Variants in RNGTT observed in about 807,000 individuals in gnomAD.
The protein encoded by RNGTT is mRNA-capping enzyme.
RNGTT carries 33 observed loss-of-function variants against 79.3 expected under a neutral mutation model. That is an observed-to-expected ratio of 0.42 (90% CI 0.32 to 0.56). The LOEUF (loss-of-function observed/expected upper bound fraction) is 0.56, where lower values mean the gene tolerates loss of function less well. RNGTT is among the 20% of genes least tolerant of loss of function. RNGTT has a pLI of 0.17. For synonymous variants in RNGTT, 222 were observed against 235.9 expected, an observed-to-expected ratio of 0.94 and a Z score of 0.54; for missense variants, 497 against 739.1, an observed-to-expected ratio of 0.67 and a Z score of 3.80.
At chr6:88,733,113 C>T (rs566389409) in intron 13 of RNGTT, among the ~76,000 whole-genome samples, 4 of 152,142 alleles carry the variant, frequency 2.6e-5, no homozygotes, top group Non-Finnish European at 5.9e-5. Context: ...AATCCCAGCA[C>T]TTTGGAAGGC....
At chr6:88,675,654 GAAC>G (rs1774843165) in intron 14 of RNGTT, among the ~76,000 whole-genome samples, 2 of 146,854 alleles carry the variant, frequency 1.4e-5, no homozygotes, top group African/African-American at 5.4e-5. Flanking sequence ...AAAAGCTACT[GAAC>G]TAATAATCGA....
At chr6:88,730,025 C>G (rs1248601427) in intron 13 of RNGTT, among the ~76,000 whole-genome samples, 1 of 152,112 alleles carries the variant, frequency 6.6e-6, no homozygotes, top group Non-Finnish European at 1.5e-5. Flanking sequence ...TTACTAAAAC[C>G]TTCCTTAACT....
At position 88,853,573 on chromosome 6, in the gene RNGTT, C is replaced by G. The variant is rs1046275667; in HGVS notation, c.1032+56G>C. 18 of 1,130,530 alleles carry G rather than the reference C, an allele frequency of 1.6e-5. No homozygotes were observed. The Admixed American group carries it at 4.0e-4, about 25-fold the overall frequency. The allele number at this position is 1,130,530 out of a possible 1,614,324, so 70.0% of individuals were successfully genotyped here. ...ACCAACAGAAATACACATTTACTTACAAGGAAAAGAAAAATGGCAATGTTT... is the reference window on the plus strand; with the variant it reads ...ACCAACAGAAATACACATTTACTTAGAAGGAAAAGAAAAATGGCAATGTTT... On this transcript the variant is annotated intron_variant, in intron 9 of 15. Coordinates refer to ENST00000369485, the MANE Select transcript of RNGTT (RefSeq NM_003800.5).
intron 13 of RNGTT, among the ~76,000 whole-genome samples, chr6:88,761,018 TACACACACACAC>T (rs59719740): frequency 1.3e-4 from 17 of 131,146 alleles, no homozygotes; most frequent in Non-Finnish European, 2.1e-4. Flanking sequence ...GCAAAAGAAA[TACACACACACAC>T]ACACACACAC....
chr6:88,746,871 G>A (rs943946603), intron 13 of RNGTT, among the ~76,000 whole-genome samples: 2 of 152,096 alleles, frequency 1.3e-5, no homozygotes, highest in African/African-American at 4.8e-5. Context: ...CCAACTCTTG[G>A]GGCACAACAC....
intron 13 of RNGTT, among the ~76,000 whole-genome samples, chr6:88,733,783 CAAG>C (rs1490886472): frequency 6.7e-6 from 1 of 150,064 alleles, no homozygotes; most frequent in African/African-American, 2.5e-5. Flanking sequence ...ATCATGCAAA[CAAG>C]AAGACAGTGT....
intron 8 of RNGTT, among the ~76,000 whole-genome samples, chr6:88,880,448 T>A (rs982804784): frequency 2.0e-5 from 3 of 152,204 alleles, no homozygotes; most frequent in Non-Finnish European, 2.9e-5. Context: ...ACCTTTTATA[T>A]TCAGTTTTTC....
At chr6:88,930,760 A>C (rs886926335) in intron 2 of RNGTT, among the ~76,000 whole-genome samples, 1 of 152,152 alleles carries the variant, frequency 6.6e-6, no homozygotes. Context: ...TGGCAGACCT[A>C]TCTCTCATCT....
chr6:88,806,119 C>T (rs1417941515), intron 11 of RNGTT, among the ~76,000 whole-genome samples: 1 of 151,908 alleles, frequency 6.6e-6, no homozygotes, highest in East Asian at 1.9e-4. Flanking sequence ...GAAAAATCCA[C>T]GAAAGACGTC....
At chr6:88,892,099 T>C (rs982864242) in intron 6 of RNGTT, among the ~76,000 whole-genome samples, 184 bp from the exon 7 acceptor site, 10 of 152,046 alleles carry the variant, frequency 6.6e-5, no homozygotes, top group Non-Finnish European at 1.2e-4. Flanking sequence ...TTTTCCTAAA[T>C]CCAGCACATG....
chr6:88,665,749 C>T (rs1383140835), intron 14 of RNGTT, among the ~76,000 whole-genome samples: 1 of 152,180 alleles, frequency 6.6e-6, no homozygotes, highest in African/African-American at 2.4e-5. Context: ...GGCACTGGCT[C>T]GAGACCTCCA....
chr6:88,653,793 A>G (rs1773880041), intron 14 of RNGTT, among the ~76,000 whole-genome samples: 1 of 152,228 alleles, frequency 6.6e-6, no homozygotes, highest in South Asian at 2.1e-4. Context: ...AGAAATATTT[A>G]TTAGTGCTTT....
intron 13 of RNGTT, among the ~76,000 whole-genome samples, chr6:88,708,423 T>C (rs1776212131): frequency 6.6e-6 from 1 of 152,116 alleles, no homozygotes; most frequent in Non-Finnish European, 1.5e-5. Context: ...CTCTGTTTGC[T>C]GGCTGAAGTC....
chr6:88,901,623 C>CA (rs1004429382), intron 6 of RNGTT, among the ~76,000 whole-genome samples: 4 of 150,680 alleles, frequency 2.7e-5, no homozygotes, highest in African/African-American at 9.8e-5. Flanking sequence ...TCTCCTGCCT[C>CA]AGCCTCCCAA....
chr6:88,642,213 AACTACAAAAATAT>A (rs1773349369), intron 14 of RNGTT, among the ~76,000 whole-genome samples: 2 of 152,222 alleles, frequency 1.3e-5, no homozygotes, highest in Admixed American at 1.3e-4. Context: ...GCAAATCACT[AACTACAAAAATAT>A]ACTAATCATG....
chr6:88,712,688 T>A, intron 13 of RNGTT, among the ~76,000 whole-genome samples: 1 of 152,234 alleles, frequency 6.6e-6, no homozygotes, highest in Non-Finnish European at 1.5e-5. Context: ...TTCTTTAGTA[T>A]CACCTCAAAC....
chr6:88,848,461 A>G (rs1367976739), intron 10 of RNGTT, among the ~76,000 whole-genome samples: 4 of 144,296 alleles, frequency 2.8e-5, no homozygotes, highest in Non-Finnish European at 1.5e-5. Flanking sequence ...TGGAAACCTT[A>G]ATGTTCATCA....
chr6:88,962,001 A>C (rs946967124), intron 1 of RNGTT, among the ~76,000 whole-genome samples: 1 of 152,244 alleles, frequency 6.6e-6, no homozygotes, highest in African/African-American at 2.4e-5. Flanking sequence ...ATACATGCAT[A>C]ATCTGGATGA....
At chr6:88,690,807 T>C (rs1341400921) in intron 13 of RNGTT, among the ~76,000 whole-genome samples, 1 of 152,134 alleles carries the variant, frequency 6.6e-6, no homozygotes, top group Non-Finnish European at 1.5e-5. Flanking sequence ...ACACATTATC[T>C]CCTAAGTTGA....
Sources: gnomAD v4.1 joint callset for allele counts (sites outside exome capture counted in the v4.1 genomes callset) on GRCh38, gnomAD v4.1.1 for gene constraint, MANE v1.5 for transcripts, NCBI Gene and HGNC (gene_info 2026-07-23, HGNC 2026-07-21) for gene names.